The following TENM3 variants were observed in gnomAD, a reference collection of about 807,000 sequenced individuals.
TENM3 encodes the protein teneurin transmembrane protein 3, also known as teneurin-3.
Under a neutral mutation model 255.1 loss-of-function variants are expected in TENM3, and 63 were observed. The ratio of observed to expected loss-of-function variants is 0.25; its 90% CI spans 0.20 to 0.30. The LOEUF is 0.30. TENM3 is among the 10% of genes least tolerant of loss of function. TENM3 has a pLI of 1.00. For synonymous variants in TENM3, 1,306 were observed against 1,322.3 expected (o/e 0.99, Z 0.27); for missense variants, 2,929 against 3,461.1 (o/e 0.85, Z 3.86).
the TENM3 span, among the ~76,000 whole-genome samples, chr4:181,855,200 T>C: frequency 6.6e-6 from 1 of 152,346 alleles, no homozygotes; most frequent in East Asian, 1.9e-4. Flanking sequence ...GTTATTGTGT[T>C]ATTAGACACT....
At chr4:182,624,982 C>A (rs901341559) in intron 4 of TENM3, among the ~76,000 whole-genome samples, 1 of 152,042 alleles carries the variant, frequency 6.6e-6, no homozygotes, top group African/African-American at 2.4e-5. Context: ...CAAGTAGTAA[C>A]GTCTGAGCTG....
At chr4:181,726,603 C>A in the TENM3 span, among the ~76,000 whole-genome samples, 3 of 152,308 alleles carry the variant, frequency 2.0e-5, no homozygotes, top group African/African-American at 7.2e-5. Context: ...TCTCACACCA[C>A]AGCAATCAAC....
chr4:182,758,647 C>G (rs768171409), intron 22 of TENM3, among the ~76,000 whole-genome samples: 2 of 152,044 alleles, frequency 1.3e-5, no homozygotes, highest in Non-Finnish European at 2.9e-5. Flanking sequence ...GTAATATTTC[C>G]CTTCATTTTT....
At chr4:182,744,873 G>A (rs760091292) in intron 19 of TENM3, among the ~76,000 whole-genome samples, 6 of 151,954 alleles carry the variant, frequency 3.9e-5, no homozygotes, top group African/African-American at 9.7e-5. Flanking sequence ...TGCTTTCTGT[G>A]TACACGTAGC....
the TENM3 span, among the ~76,000 whole-genome samples, chr4:181,543,049 T>C: frequency 1.3e-5 from 2 of 152,198 alleles, no homozygotes; most frequent in African/African-American, 4.8e-5. Context: ...CAAGGATGAA[T>C]GCAAACTTCA....
At position 182,546,511 on chromosome 4, in the gene TENM3, C is replaced by T. The variant is rs563159084; in HGVS notation, c.512-54413C>T. On this transcript the variant is annotated intron_variant, in intron 3 of 27. Transcript: ENST00000511685. ...GAGTTTGTGGCACAATTATGGCTCA[C>T]TGAAGCCTCAACCTCATGGGCTCGA... is the stretch of plus-strand genomic sequence containing the variant. Among the ~76,000 whole-genome samples the T allele has an allele frequency of 1.6e-4, 25 of 152,220 alleles. 1 individual carries two copies. The South Asian group carries it at 5.0e-3, about 30-fold the overall frequency.
At chr4:182,103,743 A>G in the TENM3 span, among the ~76,000 whole-genome samples, 1 of 152,190 alleles carries the variant, frequency 6.6e-6, no homozygotes, top group Non-Finnish European at 1.5e-5. Context: ...TTAAACCATT[A>G]TGGTTGTGCC....
At chr4:182,425,856 A>G (rs1771168028) in intron 3 of TENM3, among the ~76,000 whole-genome samples, 1 of 151,906 alleles carries the variant, frequency 6.6e-6, no homozygotes, top group Admixed American at 6.6e-5. Flanking sequence ...AAAAACACAA[A>G]AACTAGCCAG....
At chr4:181,779,793 G>A in the TENM3 span, among the ~76,000 whole-genome samples, 6 of 151,810 alleles carry the variant, frequency 4.0e-5, no homozygotes, top group Middle Eastern at 3.4e-3. Flanking sequence ...CCCACTCCCC[G>A]CACCCCACGA....
intron 3 of TENM3, among the ~76,000 whole-genome samples, chr4:182,365,210 C>G (rs34934914): frequency 0.11 from 17,333 of 152,148 alleles, 1,129 homozygotes; most frequent in Non-Finnish European, 0.14. Flanking sequence ...TTGTGAATTG[C>G]CAGTTCTTGC....
chr4:182,485,024 T>A (rs1319660222), intron 3 of TENM3, among the ~76,000 whole-genome samples: 1 of 152,192 alleles, frequency 6.6e-6, no homozygotes, highest in Non-Finnish European at 1.5e-5. Context: ...TTTCATAGTT[T>A]ATTAATAATT....
At chr4:182,052,998 G>A in the TENM3 span, among the ~76,000 whole-genome samples, 1 of 152,014 alleles carries the variant, frequency 6.6e-6, no homozygotes, top group Non-Finnish European at 1.5e-5. Flanking sequence ...TAATACAAAT[G>A]GGATCTAATG....
intron 3 of TENM3, among the ~76,000 whole-genome samples, chr4:182,362,715 G>A (rs961546911): frequency 1.3e-5 from 2 of 152,198 alleles, no homozygotes; most frequent in South Asian, 2.1e-4. Context: ...GCTCGCACAC[G>A]GTGCACGCAC....
At chr4:182,238,575 G>T (rs2150051418), upstream of TENM3, among the ~76,000 whole-genome samples, 1 of 152,182 alleles carries the variant, frequency 6.6e-6, no homozygotes, top group African/African-American at 2.4e-5. Flanking sequence ...GAGCCTTTTT[G>T]TTCCGAGATG....
chr4:182,676,330 G>A (rs1181400837), intron 7 of TENM3, among the ~76,000 whole-genome samples: 1 of 152,172 alleles, frequency 6.6e-6, no homozygotes, highest in Non-Finnish European at 1.5e-5. Flanking sequence ...TAGCATTTTA[G>A]TGCATTCACA....
chr4:182,274,317 C>T (rs2150233581), intron 1 of TENM3, among the ~76,000 whole-genome samples: 1 of 152,264 alleles, frequency 6.6e-6, no homozygotes, highest in Admixed American at 6.5e-5. Flanking sequence ...GACGGAGAGG[C>T]CTCCTAATTC....
the TENM3 span, among the ~76,000 whole-genome samples, chr4:181,923,834 A>G: frequency 1.3e-5 from 2 of 152,148 alleles, no homozygotes; most frequent in Non-Finnish European, 2.9e-5. Context: ...TAATATATGG[A>G]GGTAAGCATG....
chr4:182,208,758 A>C (rs1754755280), intron 1 of TENM3, among the ~76,000 whole-genome samples: 1 of 152,260 alleles, frequency 6.6e-6, no homozygotes, highest in African/African-American at 2.4e-5. Flanking sequence ...AGCTGATTTC[A>C]TGTCACTGCG....
the TENM3 span, among the ~76,000 whole-genome samples, chr4:182,122,892 T>C: frequency 0.012 from 1,892 of 152,296 alleles, 34 homozygotes; most frequent in African/African-American, 0.043. Flanking sequence ...TTTTTTAGTG[T>C]AGTCTTCATC....
Sources: gnomAD v4.1 joint callset for allele counts (sites outside exome capture counted in the v4.1 genomes callset) on GRCh38, gnomAD v4.1.1 for gene constraint, MANE v1.5 for transcripts, NCBI Gene and HGNC (gene_info 2026-07-23, HGNC 2026-07-21) for gene names.